NEDD9: variants seen among roughly 807,000 people sequenced by gnomAD.
The protein encoded by NEDD9 is neural precursor cell expressed, developmentally down-regulated 9.
NEDD9 carries 26 observed loss-of-function variants against 76.6 expected under a neutral mutation model. That is an observed-to-expected ratio of 0.34 (90% CI 0.25 to 0.47). The LOEUF is 0.47. Ranked by LOEUF, NEDD9 falls within the 20% of genes least tolerant of loss-of-function variation. The pLI is 1.00. For synonymous variants in NEDD9, 392 were observed against 414.2 expected, an observed-to-expected ratio of 0.95 and a Z score of 0.65; for missense variants, 937 against 1,058.5, an observed-to-expected ratio of 0.89 and a Z score of 1.59.
At chr6:11,340,361 C>T (rs1216933517) in intron 1 of NEDD9, among the ~76,000 whole-genome samples, 3 of 152,158 alleles carry the variant, frequency 2.0e-5, no homozygotes, top group South Asian at 4.1e-4. Flanking sequence ...CATTCAGCCT[C>T]TCAGATAGTA....
At chr6:11,255,076 C>T (rs1759977367) in intron 3 of NEDD9, among the ~76,000 whole-genome samples, 1 of 152,146 alleles carries the variant, frequency 6.6e-6, no homozygotes, top group South Asian at 2.1e-4. Context: ...GAAAATGCAA[C>T]AGGATTCATA....
At chr6:11,322,289 C>T (rs955887671) in intron 2 of NEDD9, among the ~76,000 whole-genome samples, 10 of 152,014 alleles carry the variant, frequency 6.6e-5, no homozygotes, top group African/African-American at 2.2e-4. Context: ...CACACGTATA[C>T]CTGTGTAACA....
intron 3 of NEDD9, among the ~76,000 whole-genome samples, chr6:11,273,707 C>T (rs1760360867): frequency 6.6e-6 from 1 of 152,126 alleles, no homozygotes; most frequent in African/African-American, 2.4e-5. Context: ...AATGGAAGGC[C>T]GAAATGGACA....
rs565668117 is a variant in NEDD9 at position 11,337,756 on chromosome 6, T to C, written c.-213-3195A>G. Among the ~76,000 whole-genome samples, 7 of 152,320 alleles carry C rather than the reference T, an allele frequency of 4.6e-5. No individual in the cohort carries two copies. The East Asian group carries it at 7.7e-4, about 17-fold the overall frequency. Reference sequence around the variant, plus strand: ...TGCACATGCCTTTAGCTGGCATGGATGGGGAGGGAAGAGCAGGGGATCTGA... The same window carrying C: ...TGCACATGCCTTTAGCTGGCATGGACGGGGAGGGAAGAGCAGGGGATCTGA... On this transcript the variant is annotated intron_variant, in intron 1 of 3. Coordinates refer to the NEDD9 transcript ENST00000397378.
chr6:11,334,679 G>T (rs1427957083), intron 1 of NEDD9: 1 of 152,144 alleles, frequency 6.6e-6, no homozygotes, highest in African/African-American at 2.4e-5. Context: ...ATTTTAATGG[G>T]CATTTCTCGC....
In NEDD9 at chr6:11,379,784, C is replaced by A. The variant is rs531311283; in HGVS notation, c.-214+2355G>T. On this transcript the variant is annotated intron_variant, in intron 1 of 3. Transcript: ENST00000397378. ...ACCAGTGCCTGTTGATGGCTCCTAG[C>A]CTCAGATCGACTTTCTCTTGTTAAA... is the stretch of plus-strand genomic sequence containing the variant. Among the ~76,000 whole-genome samples the A allele has an allele frequency of 5.9e-5, 9 of 152,226 alleles. No homozygotes were observed. The East Asian group carries it at 1.7e-3, about 29-fold the overall frequency.
At chr6:11,203,491 G>A (rs1451642428) in intron 2 of NEDD9, among the ~76,000 whole-genome samples, 1 of 152,180 alleles carries the variant, frequency 6.6e-6, no homozygotes, top group East Asian at 1.9e-4. Flanking sequence ...AGAACGCTCA[G>A]GTTTAGTTGG....
chr6:11,319,667 T>A (rs552345563), intron 2 of NEDD9, among the ~76,000 whole-genome samples: 1 of 127,534 alleles, frequency 7.8e-6, no homozygotes, highest in Admixed American at 8.4e-5. Flanking sequence ...CACACTAACA[T>A]GCACACATAC....
intron 2 of NEDD9, among the ~76,000 whole-genome samples, chr6:11,320,149 G>A (rs58440167): frequency 1.7e-3 from 263 of 152,172 alleles, no homozygotes; most frequent in African/African-American, 6.0e-3. Flanking sequence ...ACGCCCTGCC[G>A]CTCTTTCTCC....
intron 1 of NEDD9, among the ~76,000 whole-genome samples, chr6:11,378,658 T>C (rs1332165561): frequency 6.6e-6 from 1 of 152,236 alleles, no homozygotes; most frequent in African/African-American, 2.4e-5. Flanking sequence ...TGTTACAATA[T>C]TTAAAAATTT....
At chr6:11,335,844 C>G (rs1401723858) in intron 1 of NEDD9, among the ~76,000 whole-genome samples, 4 of 152,230 alleles carry the variant, frequency 2.6e-5, no homozygotes, top group Non-Finnish European at 5.9e-5. Flanking sequence ...TTGCACCAAT[C>G]TAATATATTT....
chr6:11,339,598 C>T (rs1421073547), intron 1 of NEDD9, among the ~76,000 whole-genome samples: 1 of 152,196 alleles, frequency 6.6e-6, no homozygotes, highest in Non-Finnish European at 1.5e-5. Flanking sequence ...TTTTTCTCCT[C>T]TGATGAGCTA....
intron 1 of NEDD9, among the ~76,000 whole-genome samples, chr6:11,362,904 T>A (rs1762702699): frequency 6.6e-6 from 1 of 152,236 alleles, no homozygotes; most frequent in African/African-American, 2.4e-5. Context: ...GTCTAACAAC[T>A]AACAATGCTA....
At position 11,237,728 on chromosome 6, in the gene NEDD9, C is replaced by T. The variant is rs901042338; in HGVS notation, c.13-24001G>A. The stretch of plus-strand genomic sequence containing the variant: ...ACATGCCACAGAGATGGCAAAGCCC[C>T]CAAAGCCGAAGAAGAAAAAGTATTA... On this transcript the variant is annotated intron_variant, in intron 3 of 3. Coordinates refer to the NEDD9 transcript ENST00000397378. The surrounding 1 kb of genome is among the most constrained non-coding windows in gnomAD (Gnocchi z 4.9). Among the ~76,000 whole-genome samples the T allele has an allele frequency of 2.6e-4, 40 of 152,206 alleles. No homozygotes were observed. Among genetic ancestry groups the T allele is most frequent in the Admixed American group, 1.4e-3 (21 of 15,290 alleles).
intron 3 of NEDD9, among the ~76,000 whole-genome samples, chr6:11,270,788 C>T (rs1189134826): frequency 1.3e-5 from 2 of 152,150 alleles, no homozygotes; most frequent in Non-Finnish European, 2.9e-5. Flanking sequence ...GACAGACAAA[C>T]CCAAAGAGAC....
At chr6:11,297,242 TA>T (rs1760922463) in intron 3 of NEDD9, among the ~76,000 whole-genome samples, 1 of 150,908 alleles carries the variant, frequency 6.6e-6, no homozygotes, top group Admixed American at 6.7e-5. Context: ...GAAAATGAAA[TA>T]AAACAGAACC....
intron 1 of NEDD9, among the ~76,000 whole-genome samples, chr6:11,224,625 G>GA (rs946923867): frequency 1.0e-4 from 15 of 143,532 alleles, no homozygotes; most frequent in Non-Finnish European, 1.5e-4. Flanking sequence ...AAAAGGAAAA[G>GA]AAAAAAAAAA....
intron 3 of NEDD9, among the ~76,000 whole-genome samples, chr6:11,304,895 T>C (rs1192718047): frequency 6.6e-6 from 1 of 152,186 alleles, no homozygotes; most frequent in Non-Finnish European, 1.5e-5. Flanking sequence ...ACATGGCACA[T>C]GTATACCTAT....
At chr6:11,239,691 G>A (rs1268513734) in intron 3 of NEDD9, among the ~76,000 whole-genome samples, 1 of 152,060 alleles carries the variant, frequency 6.6e-6, no homozygotes. Context: ...GAACTACCTC[G>A]TTAGCAACAG....
Sources: allele counts gnomAD v4.1 joint callset (sites outside exome capture counted in the v4.1 genomes callset), GRCh38; gene constraint gnomAD v4.1.1; non-coding constraint Gnocchi (gnomAD v3.1); transcripts MANE v1.5; gene names NCBI Gene and HGNC (gene_info 2026-07-23, HGNC 2026-07-21).